Variants in ATP8A2 observed in about 807,000 individuals in gnomAD.
ATP8A2 encodes the protein ATPase phospholipid transporting 8A2.
ATP8A2 carries 100 observed loss-of-function variants against 165.6 expected under a neutral mutation model. The ratio of observed to expected loss-of-function variants is 0.60; its 90% CI spans 0.51 to 0.71. The LOEUF is 0.71. Ranked by LOEUF, ATP8A2 falls within the 30% of genes least tolerant of loss-of-function variation. The pLI is 0.00. For synonymous variants in ATP8A2, 543 were observed against 548.8 expected (o/e 0.99, Z 0.15); for missense variants, 1,227 against 1,479.5 (o/e 0.83, Z 2.80).
intron 27 of ATP8A2, among the ~76,000 whole-genome samples, chr13:25,789,263 C>T (rs2138394151): frequency 1.3e-5 from 2 of 152,198 alleles, no homozygotes; most frequent in South Asian, 4.2e-4. Context: ...AGACAAAACA[C>T]AATAATGTAA....
intron 1 of ATP8A2, among the ~76,000 whole-genome samples, chr13:25,412,665 T>A (rs1408572942): frequency 6.6e-6 from 1 of 152,142 alleles, no homozygotes; most frequent in Non-Finnish European, 1.5e-5. Flanking sequence ...CATCTAGTTA[T>A]AATGGTAAAA....
chr13:25,793,298 C>CT (rs2045229906), intron 27 of ATP8A2, among the ~76,000 whole-genome samples: 1 of 152,168 alleles, frequency 6.6e-6, no homozygotes, highest in Non-Finnish European at 1.5e-5. Context: ...GCCTGATTCT[C>CT]TGAGTTATTG....
intron 18 of ATP8A2, among the ~76,000 whole-genome samples, chr13:25,573,050 A>T (rs1036932967): frequency 1.3e-5 from 2 of 152,224 alleles, no homozygotes; most frequent in African/African-American, 4.8e-5. Flanking sequence ...ATTTAGCTTA[A>T]GGAAATGTAC....
chr13:25,602,265 G>T (rs1481595568), intron 24 of ATP8A2, among the ~76,000 whole-genome samples: 1 of 152,176 alleles, frequency 6.6e-6, no homozygotes, highest in South Asian at 2.1e-4. Context: ...TTAGGGTTCT[G>T]TAGTAAGTGT....
At chr13:25,487,060 C>T (rs942889172) in intron 2 of ATP8A2, among the ~76,000 whole-genome samples, 37 of 152,158 alleles carry the variant, frequency 2.4e-4, no homozygotes, top group Non-Finnish European at 5.4e-4. Context: ...CTTAGTAAGA[C>T]TTGAAAGACA....
At chr13:25,946,417 A>G (rs9581491) in intron 33 of ATP8A2, among the ~76,000 whole-genome samples, 6,597 of 152,310 alleles carry the variant, frequency 0.043, 473 homozygotes, top group African/African-American at 0.15. Flanking sequence ...AAGCCTGGCT[A>G]TGAGCACAGT....
At chr13:25,913,390 T>A (rs935367294) in intron 33 of ATP8A2, among the ~76,000 whole-genome samples, 1 of 152,234 alleles carries the variant, frequency 6.6e-6, no homozygotes, top group Non-Finnish European at 1.5e-5. Context: ...AAAATTCAGA[T>A]ACATCATTCT....
chr13:25,532,183 C>A, intron 4 of ATP8A2, 89 bp from the exon 5 acceptor site: 1 of 1,017,500 alleles, frequency 9.8e-7, no homozygotes, highest in Admixed American at 2.1e-5. Context: ...TTCCTTGTCC[C>A]CTGTAATTTC....
At chr13:25,752,011 A>T (rs1438962962) in intron 25 of ATP8A2, among the ~76,000 whole-genome samples, 1 of 151,644 alleles carries the variant, frequency 6.6e-6, no homozygotes, top group Non-Finnish European at 1.5e-5. Flanking sequence ...ACAGTGGCTC[A>T]GGCTCATGCC....
At chr13:25,641,135 C>G (rs376761710) in intron 24 of ATP8A2, among the ~76,000 whole-genome samples, 1 of 152,078 alleles carries the variant, frequency 6.6e-6, no homozygotes, top group East Asian at 1.9e-4. Flanking sequence ...ATGACAAACC[C>G]ACAGCCAATA....
intron 2 of ATP8A2, among the ~76,000 whole-genome samples, chr13:25,485,418 C>A (rs773184286): frequency 2.6e-5 from 4 of 152,226 alleles, no homozygotes; most frequent in Non-Finnish European, 4.4e-5. Flanking sequence ...GGGAAGATTT[C>A]TTTTCATACT....
At chr13:25,902,040 T>G (rs969532261) in intron 33 of ATP8A2, among the ~76,000 whole-genome samples, 1 of 152,188 alleles carries the variant, frequency 6.6e-6, no homozygotes, top group Non-Finnish European at 1.5e-5. Context: ...TTAAGTAGCC[T>G]CATAGTTATA....
At chr13:25,787,072 C>T (rs772712200) in intron 27 of ATP8A2, among the ~76,000 whole-genome samples, 2 of 152,172 alleles carry the variant, frequency 1.3e-5, no homozygotes, top group Non-Finnish European at 1.5e-5. Context: ...CATGAGCCAC[C>T]GTCCCCAGCC....
At chr13:25,716,599 G>T (rs2043260530) in intron 25 of ATP8A2, among the ~76,000 whole-genome samples, 1 of 152,098 alleles carries the variant, frequency 6.6e-6, no homozygotes, top group Non-Finnish European at 1.5e-5. Flanking sequence ...GAGTGGTCTT[G>T]GCCAGATGTA....
At chr13:25,438,475 AC>A (rs2034840274) in intron 1 of ATP8A2, among the ~76,000 whole-genome samples, 1 of 152,032 alleles carries the variant, frequency 6.6e-6, no homozygotes, top group East Asian at 1.9e-4. Context: ...CTGCATCTCT[AC>A]AAAAAAATAC....
chr13:25,728,975 A>G (rs1300645277), intron 25 of ATP8A2, among the ~76,000 whole-genome samples: 1 of 152,160 alleles, frequency 6.6e-6, no homozygotes, highest in East Asian at 1.9e-4. Flanking sequence ...TCCAGGTCCT[A>G]TTAAATGGAG....
chr13:25,613,930 A>T (rs1396510983), intron 24 of ATP8A2, among the ~76,000 whole-genome samples: 3 of 152,096 alleles, frequency 2.0e-5, no homozygotes, highest in South Asian at 2.1e-4. Flanking sequence ...GGTTTCCTTC[A>T]TAGGTTACCT....
intron 33 of ATP8A2, among the ~76,000 whole-genome samples, chr13:25,925,088 ATAAC>A (rs1424339718): frequency 3.9e-5 from 6 of 152,184 alleles, no homozygotes; most frequent in African/African-American, 1.4e-4. Context: ...ATTCTCAGTA[ATAAC>A]TAACCAGATA....
chr13:25,925,765 T>C (rs535281888), intron 33 of ATP8A2, among the ~76,000 whole-genome samples: 1 of 152,068 alleles, frequency 6.6e-6, no homozygotes, highest in South Asian at 2.1e-4. Context: ...TTTGCTCTTG[T>C]TGCCCAGGCA....
Sources: gnomAD v4.1 joint callset for allele counts (sites outside exome capture counted in the v4.1 genomes callset) on GRCh38, gnomAD v4.1.1 for gene constraint, MANE v1.5 for transcripts, NCBI Gene and HGNC (gene_info 2026-07-23, HGNC 2026-07-21) for gene names.